Variants in ARHGAP15 observed in about 807,000 individuals in gnomAD.
ARHGAP15 encodes rho GTPase-activating protein 15.
Under a neutral mutation model 63.7 loss-of-function variants are expected in ARHGAP15, and 51 were observed. The ratio of observed to expected loss-of-function variants is 0.80; its 90% CI spans 0.64 to 1.01. The LOEUF is 1.01. Among genes scored for constraint, ARHGAP15 ranks in the 50% least tolerant of loss-of-function variants. ARHGAP15 has a pLI of 0.00. For synonymous variants in ARHGAP15, 191 were observed against 193.8 expected (o/e 0.99, Z 0.12); for missense variants, 560 against 564.6 (o/e 0.99, Z 0.08).
intron 13 of ARHGAP15, among the ~76,000 whole-genome samples, chr2:143,744,982 C>A (rs967873438): frequency 7.7e-4 from 117 of 152,314 alleles, no homozygotes; most frequent in African/African-American, 2.7e-3. Flanking sequence ...ACATAGATTT[C>A]TCTAAAATCC....
chr2:143,434,315 T>TTGCAG (rs1353347385), intron 6 of ARHGAP15, among the ~76,000 whole-genome samples: 1 of 152,096 alleles, frequency 6.6e-6, no homozygotes, highest in Non-Finnish European at 1.5e-5. Context: ...AATGGTTACT[T>TTGCAG]TGCAGTACTG....
intron 5 of ARHGAP15, among the ~76,000 whole-genome samples, chr2:143,249,765 A>T (rs531265934): frequency 5.1e-4 from 78 of 152,258 alleles, no homozygotes; most frequent in African/African-American, 1.7e-3. Flanking sequence ...ATTGTGAATT[A>T]TTGAAATAAA....
At chr2:143,716,331 C>A (rs1684811448) in intron 13 of ARHGAP15, among the ~76,000 whole-genome samples, 2 of 152,162 alleles carry the variant, frequency 1.3e-5, no homozygotes, top group Admixed American at 1.3e-4. Flanking sequence ...CCTATTAGAT[C>A]AATTACTGCA....
intron 9 of ARHGAP15, among the ~76,000 whole-genome samples, chr2:143,508,853 T>A (rs1473076250): frequency 6.6e-6 from 1 of 152,188 alleles, no homozygotes; most frequent in Non-Finnish European, 1.5e-5. Flanking sequence ...CAGGTGAGTT[T>A]AGGAGCTGAA....
At chr2:143,252,886 T>C (rs1327615027) in intron 6 of ARHGAP15, among the ~76,000 whole-genome samples, 1 of 152,072 alleles carries the variant, frequency 6.6e-6, no homozygotes, top group East Asian at 1.9e-4. Context: ...CTGGTCGAAC[T>C]CTCAAATGAT....
chr2:143,640,545 A>G (rs565091122), intron 12 of ARHGAP15, among the ~76,000 whole-genome samples: 16 of 152,090 alleles, frequency 1.1e-4, no homozygotes, highest in Non-Finnish European at 2.2e-4. Flanking sequence ...TTAAAAGTTT[A>G]TGAGAGAAAA....
At chr2:143,159,983 T>G (rs770426218) in intron 2 of ARHGAP15, among the ~76,000 whole-genome samples, 1 of 151,938 alleles carries the variant, frequency 6.6e-6, no homozygotes, top group Non-Finnish European at 1.5e-5. Context: ...ATACAGACAA[T>G]TATTTTCTCG....
At chr2:143,532,835 A>G (rs1345498789) in intron 10 of ARHGAP15, among the ~76,000 whole-genome samples, 1 of 152,244 alleles carries the variant, frequency 6.6e-6, no homozygotes, top group Admixed American at 6.5e-5. Flanking sequence ...GATATTGCAT[A>G]GATATACCAA....
intron 6 of ARHGAP15, among the ~76,000 whole-genome samples, chr2:143,292,481 A>G (rs549908804): frequency 6.6e-6 from 1 of 152,172 alleles, no homozygotes; most frequent in African/African-American, 2.4e-5. Context: ...GTAAATATGC[A>G]TAGTTCAAAA....
intron 2 of ARHGAP15, among the ~76,000 whole-genome samples, chr2:143,176,601 G>C (rs1317804663): frequency 6.6e-6 from 1 of 152,098 alleles, no homozygotes; most frequent in Non-Finnish European, 1.5e-5. Context: ...GTACTGCTCA[G>C]GTCTTTTTTG....
intron 9 of ARHGAP15, among the ~76,000 whole-genome samples, chr2:143,514,478 T>A (rs985320562): frequency 1.3e-5 from 2 of 152,112 alleles, no homozygotes; most frequent in Admixed American, 6.5e-5. Context: ...AATTTAGAAC[T>A]TTTTTTTCTG....
Position 143,548,322 on chromosome 2 carries a change from G to A in ARHGAP15, c.926-8086G>A, listed in dbSNP as rs537128629. 4.2e-3 allele frequency among the ~76,000 whole-genome samples: 635 copies of A among 152,078 alleles called. 3 individuals are homozygous for A. The highest frequency in any genetic ancestry group is 7.3e-3 in the Non-Finnish European group (495 of 67,946). ...AAGCATTCTCCTTTCTGATTCAAGA[G>A]TCTATTTGATATCACCTTCTTCTTA... is the stretch of plus-strand genomic sequence containing the variant. On this transcript the variant is annotated intron_variant, in intron 10 of 13. Coordinates refer to ENST00000295095, the MANE Select transcript of ARHGAP15 (RefSeq NM_018460.4).
At chr2:143,166,061 GA>G (rs1553442904) in intron 2 of ARHGAP15, among the ~76,000 whole-genome samples, 21 of 140,566 alleles carry the variant, frequency 1.5e-4, no homozygotes, top group Middle Eastern at 3.6e-3. Context: ...AAGAAAGAAA[GA>G]AAAAAAATAT....
chr2:143,353,091 G>A (rs1009984873), intron 6 of ARHGAP15, among the ~76,000 whole-genome samples: 3 of 151,944 alleles, frequency 2.0e-5, no homozygotes, highest in Non-Finnish European at 4.4e-5. Flanking sequence ...AAGAATAGAT[G>A]TGTAATACAT....
intron 8 of ARHGAP15, among the ~76,000 whole-genome samples, chr2:143,477,181 C>T (rs1691855881): frequency 1.3e-5 from 2 of 149,312 alleles, no homozygotes; most frequent in South Asian, 4.3e-4. Flanking sequence ...CACACACACA[C>T]ACATGCTCGC....
intron 12 of ARHGAP15, among the ~76,000 whole-genome samples, chr2:143,680,286 G>A (rs1381189390): frequency 6.6e-6 from 1 of 152,216 alleles, no homozygotes; most frequent in Non-Finnish European, 1.5e-5. Flanking sequence ...AAAACATGGG[G>A]TAGTTGAAGA....
At chr2:143,728,634 A>G (rs1021747288) in intron 13 of ARHGAP15, among the ~76,000 whole-genome samples, 3 of 152,172 alleles carry the variant, frequency 2.0e-5, no homozygotes, top group Non-Finnish European at 2.9e-5. Context: ...TGTAAGGTTT[A>G]GGGGAACAAG....
chr2:143,756,922 C>G (rs1226389896), intron 13 of ARHGAP15, among the ~76,000 whole-genome samples: 4 of 151,864 alleles, frequency 2.6e-5, no homozygotes, highest in African/African-American at 9.7e-5. Context: ...TCAGGCCTCT[C>G]CATTAAGAAG....
In ARHGAP15 at chr2:143,290,736, C is replaced by A. The variant is rs141194870; in HGVS notation, c.474+40136C>A. 7.0e-3 allele frequency among the ~76,000 whole-genome samples: 1,070 copies of A among 152,136 alleles called. 8 individuals are homozygous for A. Among genetic ancestry groups the A allele is most frequent in the South Asian group, 0.036 (176 of 4,824 alleles). On this transcript the variant is annotated intron_variant, in intron 6 of 13. Transcript: ENST00000295095. ...TAGGAGGAGGAACAGGGAGCCTGAA[C>A]TGTTTGGGGTAATCATCAGATTCAA...
Sources: allele counts gnomAD v4.1 joint callset (sites outside exome capture counted in the v4.1 genomes callset), GRCh38; gene constraint gnomAD v4.1.1; transcripts MANE v1.5; gene names NCBI Gene and HGNC (gene_info 2026-07-23, HGNC 2026-07-21).